The following SHC4 variants were observed in gnomAD, a reference collection of about 807,000 sequenced individuals.
SHC4 encodes the protein SHC-transforming protein 4.
In SHC4, 41 loss-of-function variants were observed where a neutral mutation model predicts 69.4. The observed-to-expected ratio is 0.59, with a 90% CI of 0.46 to 0.77. The LOEUF is 0.77. SHC4 is among the 30% of genes least tolerant of loss of function. The pLI, the probability that SHC4 is intolerant of heterozygous loss-of-function variation, is 0.00. For synonymous variants in SHC4, 318 were observed against 299.3 expected (o/e 1.06, Z -0.64); for missense variants, 777 against 783.8 (o/e 0.99, Z 0.10).
intron 10 of SHC4, among the ~76,000 whole-genome samples, chr15:48,842,202 T>A (rs1899005160): frequency 6.6e-6 from 1 of 152,244 alleles, no homozygotes. Flanking sequence ...GCAGGAAAGA[T>A]GTTTGTCTTA....
At chr15:48,890,860 A>G in intron 2 of SHC4, 49 bp from the exon 3 acceptor site, 1 of 1,584,860 alleles carries the variant, frequency 6.3e-7, no homozygotes, top group Non-Finnish European at 8.7e-7. Context: ...CTACCTCCAC[A>G]CAGTAAGTGT....
chr15:48,962,984 C>G lies in SHC4; in HGVS notation c.32G>C (p.Gly11Ala). The change falls in exon 1 of 12, where the codon GGA becomes GCA. Residue 11 changes from glycine to alanine, a missense_variant. By Grantham distance (60) the Gly-to-Ala change is moderately conservative. Transcript: ENST00000332408. The part of the protein sequence containing the change: MRERGQDSLA[G>A]LVLYVGLFGH... ...GAAGAGTCCTACATACAGCACGAGT[C>G]CTGCCAGGCTGTCCTGGCCGCGTTC... 2 of 1,611,180 alleles carry G rather than the reference C, an allele frequency of 1.2e-6. No homozygotes were observed. The highest frequency in any genetic ancestry group is 1.7e-6 in the Non-Finnish European group (2 of 1,178,776).
intron 9 of SHC4, among the ~76,000 whole-genome samples, chr15:48,846,325 G>T (rs1334608548): frequency 6.6e-6 from 1 of 152,114 alleles, no homozygotes; most frequent in Non-Finnish European, 1.5e-5. Context: ...AGGACTAAGT[G>T]AAATAATGTT....
chr15:48,926,461 CT>C (rs59533063), intron 1 of SHC4, among the ~76,000 whole-genome samples: 35,867 of 145,136 alleles, frequency 0.25, 4,642 homozygotes, highest in East Asian at 0.52. Context: ...AATAGTATTT[CT>C]TTTTTTTTTT....
At chr15:48,897,756 G>GACACAC (rs138796905) in intron 2 of SHC4, among the ~76,000 whole-genome samples, 4,706 of 139,004 alleles carry the variant, frequency 0.034, 112 homozygotes, top group African/African-American at 0.061. Context: ...CCCACCTTCT[G>GACACAC]ACACACACAC....
chr15:48,878,023 C>A, intron 4 of SHC4: 1 of 955,438 alleles, frequency 1.0e-6, no homozygotes, highest in Non-Finnish European at 1.5e-6. Flanking sequence ...CTACTCCAAC[C>A]ACAGTGGCGC....
At chr15:48,908,453 C>T (rs535669285) in intron 2 of SHC4, among the ~76,000 whole-genome samples, 28 of 152,164 alleles carry the variant, frequency 1.8e-4, no homozygotes, top group Admixed American at 7.2e-4. Flanking sequence ...GATATTAGTC[C>T]TTTGTCAGAT....
At chr15:48,860,227 G>T (rs928878874) in intron 6 of SHC4, among the ~76,000 whole-genome samples, 2 of 152,002 alleles carry the variant, frequency 1.3e-5, no homozygotes, top group Non-Finnish European at 2.9e-5. Context: ...TAAAAATGAA[G>T]TCAAGGCCAG....
At chr15:48,959,961 C>T (rs1037018837) in intron 1 of SHC4, among the ~76,000 whole-genome samples, 8 of 152,146 alleles carry the variant, frequency 5.3e-5, no homozygotes, top group Admixed American at 5.2e-4. Flanking sequence ...AAGGAATTGA[C>T]CTTGATAACT....
chr15:48,925,976 C>T (rs17384075), intron 1 of SHC4, among the ~76,000 whole-genome samples: 1,711 of 152,218 alleles, frequency 0.011, 23 homozygotes, highest in Non-Finnish European at 0.014. Flanking sequence ...TCAGATGTTT[C>T]CAGCCAGGGT....
intron 11 of SHC4, 95 bp downstream of exon 11, chr15:48,834,674 C>T (rs547813254): frequency 1.3e-4 from 193 of 1,524,938 alleles, no homozygotes; most frequent in Non-Finnish European, 1.5e-4. Flanking sequence ...AATACTTAGC[C>T]TTGAGCACTA....
At chr15:48,931,933 T>A (rs1298802295) in intron 1 of SHC4, among the ~76,000 whole-genome samples, 4 of 151,762 alleles carry the variant, frequency 2.6e-5, no homozygotes, top group Non-Finnish European at 4.4e-5. Flanking sequence ...AGAAAGAGTA[T>A]CTCTCCATAA....
intron 9 of SHC4, among the ~76,000 whole-genome samples, chr15:48,847,760 T>C (rs551202993): frequency 2.5e-4 from 38 of 152,012 alleles, no homozygotes; most frequent in African/African-American, 8.9e-4. Flanking sequence ...CCCAGCACTT[T>C]GGGAGGCCAA....
At chr15:48,863,145 T>A (rs1488867554) in intron 6 of SHC4, among the ~76,000 whole-genome samples, 2 of 151,806 alleles carry the variant, frequency 1.3e-5, no homozygotes, top group Non-Finnish European at 2.9e-5. Flanking sequence ...GGATATTTTT[T>A]CTTTTTATAA....
intron 2 of SHC4, among the ~76,000 whole-genome samples, chr15:48,907,127 GA>G (rs1900418353): frequency 6.7e-6 from 1 of 149,962 alleles, no homozygotes; most frequent in Non-Finnish European, 1.5e-5. Flanking sequence ...ATCAGAAAAG[GA>G]ATGCAAAAAA....
At chr15:48,921,629 G>A (rs1417968340) in intron 2 of SHC4, among the ~76,000 whole-genome samples, 1 of 152,156 alleles carries the variant, frequency 6.6e-6, no homozygotes. Flanking sequence ...CACCACGCCT[G>A]GCCAGAAGTT....
chr15:48,865,039 T>C (rs1420633115), intron 6 of SHC4, among the ~76,000 whole-genome samples: 1 of 152,240 alleles, frequency 6.6e-6, no homozygotes, highest in African/African-American at 2.4e-5. Flanking sequence ...GTGTCTTTTT[T>C]TACTTACTCC....
chr15:48,843,850 AG>A (rs1899040506), intron 9 of SHC4, among the ~76,000 whole-genome samples: 1 of 152,112 alleles, frequency 6.6e-6, no homozygotes, highest in South Asian at 2.1e-4. Context: ...ACAGAAGACA[AG>A]CAGGAAGATC....
Position 48,962,690 on chromosome 15 carries a change from A to T in SHC4, c.326T>A (p.Leu109Gln). 1 of 1,614,158 alleles carries T rather than the reference A, an allele frequency of 6.2e-7. No individual in the cohort carries two copies. The highest frequency in any genetic ancestry group is 8.5e-7 in the Non-Finnish European group (1 of 1,180,038). ...ATLLSLKNFCLGTKEVPRLKL... is the reference protein window; with the variant it reads ...ATLLSLKNFCQGTKEVPRLKL... ...CAGCCGAGGCACCTCTTTGGTACCCAGGCAAAAGTTTTTCAGACTCAGCAA... is the reference window on the plus strand; with the variant it reads ...CAGCCGAGGCACCTCTTTGGTACCCTGGCAAAAGTTTTTCAGACTCAGCAA... The change falls in exon 1 of 12, where the codon CTG (leucine) becomes CAG (glutamine). Residue 109 changes from leucine to glutamine, a missense_variant. Coordinates refer to ENST00000332408, the MANE Select transcript of SHC4 (RefSeq NM_203349.4).
Sources: allele counts gnomAD v4.1 joint callset (sites outside exome capture counted in the v4.1 genomes callset), GRCh38; gene constraint gnomAD v4.1.1; transcripts MANE v1.5; gene names NCBI Gene and HGNC (gene_info 2026-07-23, HGNC 2026-07-21).